Variants in ERO1B observed in about 807,000 individuals in gnomAD.
ERO1B encodes ERO1-like protein beta.
ERO1B carries 49 observed loss-of-function variants against 75.3 expected under a neutral mutation model. That is an observed-to-expected ratio of 0.65 (90% CI 0.52 to 0.83). ERO1B has a LOEUF of 0.83. ERO1B is among the 40% of genes least tolerant of loss of function. The probability of loss-of-function intolerance (pLI) is 0.00; values close to 1 mark genes in which losing one functional copy is unlikely to be tolerated. For missense variants in ERO1B, 512 were observed against 560.1 expected, an observed-to-expected ratio of 0.91 and a Z score of 0.87; for synonymous variants, 191 against 192.9, an observed-to-expected ratio of 0.99 and a Z score of 0.08.
At chr1:236,280,020 T>C (rs1665794788) in intron 1 of ERO1B, among the ~76,000 whole-genome samples, 1 of 152,198 alleles carries the variant, frequency 6.6e-6, no homozygotes, top group Non-Finnish European at 1.5e-5. Context: ...CCAGGTACAG[T>C]GGCTCACACC....
intron 6 of ERO1B, among the ~76,000 whole-genome samples, chr1:236,242,737 A>G (rs1336473413): frequency 6.6e-6 from 1 of 152,152 alleles, no homozygotes; most frequent in South Asian, 2.1e-4. Context: ...GAAAAAGGTG[A>G]AGAGAAACTA....
chr1:236,224,850 G>T (rs1356282203), intron 13 of ERO1B, among the ~76,000 whole-genome samples: 1 of 152,108 alleles, frequency 6.6e-6, no homozygotes, highest in African/African-American at 2.4e-5. Flanking sequence ...CATTTATAAA[G>T]GTGTTATAGG....
At chr1:236,256,808 G>C (rs1665170948) in intron 2 of ERO1B, among the ~76,000 whole-genome samples, 1 of 151,874 alleles carries the variant, frequency 6.6e-6, no homozygotes, top group Admixed American at 6.6e-5. Flanking sequence ...AAATCACCTA[G>C]CTCTGGGAGT....
At chr1:236,276,132 G>A (rs1665706288) in intron 1 of ERO1B, among the ~76,000 whole-genome samples, 1 of 152,212 alleles carries the variant, frequency 6.6e-6, no homozygotes, top group Non-Finnish European at 1.5e-5. Flanking sequence ...TGGAGCTTAT[G>A]TATAAGGGGG....
chr1:236,253,985 G>A (rs1726655), intron 2 of ERO1B, among the ~76,000 whole-genome samples: 36,784 of 152,098 alleles, frequency 0.24, 4,681 homozygotes, highest in East Asian at 0.38. Flanking sequence ...TGAGGCTAGC[G>A]GATGGAGGCC....
chr1:236,226,218 T>C (rs1664273767), intron 12 of ERO1B, 51 bp downstream of exon 12: 2 of 1,589,546 alleles, frequency 1.3e-6, no homozygotes, highest in East Asian at 4.5e-5. Context: ...AAGTGCTACC[T>C]CATTTGAATA....
At chr1:236,228,949 G>C (rs1443623620) in intron 10 of ERO1B, among the ~76,000 whole-genome samples, 2 of 152,152 alleles carry the variant, frequency 1.3e-5, no homozygotes, top group Non-Finnish European at 2.9e-5. Context: ...AACACTCAGA[G>C]TCTCTGACTA....
At chr1:236,268,176 A>T (rs1334118298) in intron 2 of ERO1B, among the ~76,000 whole-genome samples, 1 of 152,218 alleles carries the variant, frequency 6.6e-6, no homozygotes, top group Non-Finnish European at 1.5e-5. Context: ...CAAATCTTTA[A>T]TTCTCTTATT....
chr1:236,278,800 C>G (rs1219170545), intron 1 of ERO1B, among the ~76,000 whole-genome samples: 1 of 152,110 alleles, frequency 6.6e-6, no homozygotes, highest in Non-Finnish European at 1.5e-5. Context: ...TATACAAACA[C>G]GTATCATTTT....
At position 236,277,907 on chromosome 1, in the gene ERO1B, C is replaced by G. The variant is rs538458089; in HGVS notation, c.102+3775G>C. On this transcript the variant is annotated intron_variant, in intron 1 of 15. Coordinates refer to ENST00000354619, the MANE Select transcript of ERO1B (RefSeq NM_019891.4). The stretch of plus-strand genomic sequence containing the variant: ...TGGCCACTCTTTAAAATCTTTTTTC[C>G]CTTCTATACTTCAAGTTTCTTTTTA... Among the ~76,000 whole-genome samples, 9 of 151,504 alleles carry G rather than the reference C, an allele frequency of 5.9e-5. No homozygotes were observed. In the East Asian group the frequency reaches 7.8e-4, roughly 13 times the overall value.
In ERO1B at chr1:236,216,858, CCCCT is replaced by C. The variant is rs1558502736; in HGVS notation, c.*1654_*1657del. The C allele has an allele frequency of 4.8e-3, 732 of 151,612 alleles. 8 individuals carry two copies. Among genetic ancestry groups the C allele is most frequent in the African/African-American group, 0.017 (701 of 41,378 alleles). The allele number at this position is 151,612 out of a possible 1,614,324, so 9.4% of individuals were successfully genotyped here. ...TTTTTAGACAGTTTGCCTTAAGGCC[CCCCT>C]CCCCCACCATACAATACTTGCAACC... On this transcript the variant is annotated 3_prime_UTR_variant, in exon 16 of 16. Coordinates refer to ENST00000354619, the MANE Select transcript of ERO1B (RefSeq NM_019891.4).
Position 236,218,509 on chromosome 1 carries a change from G to C in ERO1B, c.*7C>G, listed in dbSNP as rs375433308. On this transcript the variant is annotated 3_prime_UTR_variant, in exon 16 of 16. Transcript: ENST00000354619. ...TATGTCTCTAGTTAGACACATAAAA[G>C]CCTTTATTACCTACTGTGTTGTAAT... 5 of 1,434,734 alleles carry C rather than the reference G, an allele frequency of 3.5e-6. No homozygotes were observed. The African/African-American group carries it at 7.4e-5, about 21-fold the overall frequency. The allele number at this position is 1,434,734 out of a possible 1,614,324, so 88.9% of individuals were successfully genotyped here. A position where few individuals can be genotyped will look rare whatever the true frequency, so the allele number is the denominator to read the frequency against.
At chr1:236,226,168 C>T in intron 12 of ERO1B, 101 bp downstream of exon 12, 1 of 1,142,994 alleles carries the variant, frequency 8.7e-7, no homozygotes, top group South Asian at 1.5e-5. Flanking sequence ...TTCTACATCT[C>T]CCCTCGGTTA....
At chr1:236,265,604 C>G (rs1404264579) in intron 2 of ERO1B, among the ~76,000 whole-genome samples, 1 of 152,176 alleles carries the variant, frequency 6.6e-6, no homozygotes, top group East Asian at 1.9e-4. Flanking sequence ...AATGGTTCCT[C>G]TATTTCTTGT....
At chr1:236,268,801 G>A (rs1665524185) in intron 2 of ERO1B, among the ~76,000 whole-genome samples, 1 of 152,100 alleles carries the variant, frequency 6.6e-6, no homozygotes, top group Non-Finnish European at 1.5e-5. Flanking sequence ...CAGGAGAATG[G>A]TGTGAACCTG....
intron 1 of ERO1B, among the ~76,000 whole-genome samples, chr1:236,271,803 T>C (rs1665595191): frequency 6.6e-6 from 1 of 152,130 alleles, no homozygotes. Context: ...CCTTTTCTGG[T>C]AATGCAGCCC....
At chr1:236,278,467 C>T (rs1665755865) in intron 1 of ERO1B, among the ~76,000 whole-genome samples, 1 of 151,992 alleles carries the variant, frequency 6.6e-6, no homozygotes, top group South Asian at 2.1e-4. Context: ...TGGGCAGACA[C>T]GGGGTTATTT....
chr1:236,239,795 A>ATATATATATGTGTG (rs1553371228), intron 6 of ERO1B, among the ~76,000 whole-genome samples: 1,483 of 87,670 alleles, frequency 0.017, 143 homozygotes, highest in Non-Finnish European at 0.03. Flanking sequence ...TCAAGTATAT[A>ATATATATATGTGTG]TATATATATA....
chr1:236,255,499 T>C (rs1034415290), intron 2 of ERO1B, among the ~76,000 whole-genome samples: 6 of 152,174 alleles, frequency 3.9e-5, no homozygotes, highest in Non-Finnish European at 4.4e-5. Flanking sequence ...TTTTGCATCA[T>C]CTTATCCTTA....
Sources: gnomAD v4.1 joint callset for allele counts (sites outside exome capture counted in the v4.1 genomes callset) on GRCh38, gnomAD v4.1.1 for gene constraint, MANE v1.5 for transcripts, NCBI Gene and HGNC (gene_info 2026-07-23, HGNC 2026-07-21) for gene names.